SCAPER: variants seen among roughly 807,000 people sequenced by gnomAD.
SCAPER encodes S phase cyclin A-associated protein in the endoplasmic reticulum.
A neutral mutation model predicts 182.2 loss-of-function variants in SCAPER; 98 were observed. That is an observed-to-expected ratio of 0.54 (90% CI 0.46 to 0.64). SCAPER has a LOEUF of 0.64. SCAPER is among the 30% of genes least tolerant of loss of function. The pLI is 0.00. For missense variants in SCAPER, 1,432 were observed against 1,690.0 expected (o/e 0.85, Z 2.68); for synonymous variants, 605 against 564.6 (o/e 1.07, Z -1.01).
chr15:76,488,714 C>CTTTTTTTTTTTTTGTTTTTTT (rs2051925467), intron 24 of SCAPER, among the ~76,000 whole-genome samples: 1 of 93,144 alleles, frequency 1.1e-5, no homozygotes, highest in Non-Finnish European at 2.0e-5. Flanking sequence ...AGTACACTGC[C>CTTTTTTTTTTTTTGTTTTTTT]TTTTTTTTTT....
intron 27 of SCAPER, among the ~76,000 whole-genome samples, chr15:76,383,295 G>A (rs915626222): frequency 6.6e-6 from 1 of 152,060 alleles, no homozygotes; most frequent in Non-Finnish European, 1.5e-5. Context: ...GTGCTGACTG[G>A]CAAATTTCTA....
At chr15:76,513,272 G>A (rs1216854746) in intron 23 of SCAPER, among the ~76,000 whole-genome samples, 1 of 152,156 alleles carries the variant, frequency 6.6e-6, no homozygotes, top group Admixed American at 6.5e-5. Flanking sequence ...TGTTCTGTGA[G>A]ATATGATAGA....
At chr15:76,882,971 G>C (rs1303543088) in intron 2 of SCAPER, among the ~76,000 whole-genome samples, 1 of 152,192 alleles carries the variant, frequency 6.6e-6, no homozygotes, top group African/African-American at 2.4e-5. Flanking sequence ...GCCCTCTCCT[G>C]CTCTTTCAAC....
chr15:76,430,973 C>T lies in SCAPER; in HGVS notation c.3311+3105G>A, dbSNP rs577915389. Among the ~76,000 whole-genome samples the T allele has an allele frequency of 2.0e-4, 30 of 152,102 alleles. 1 individual carries two copies. In the South Asian group the frequency reaches 4.8e-3, roughly 24 times the overall value. ...GGGCAGGTCTTTCCCATGCTGTTCT[C>T]GTGATAGTGAATAAGTCTCAAAAGA... On this transcript the variant is annotated intron_variant, in intron 26 of 31. Transcript: ENST00000563290.
intron 8 of SCAPER, among the ~76,000 whole-genome samples, chr15:76,778,137 G>A (rs1157791427): frequency 2.6e-5 from 4 of 152,058 alleles, no homozygotes; most frequent in Middle Eastern, 3.4e-3. Flanking sequence ...TCATAAGTTG[G>A]GACTCATATG....
intron 31 of SCAPER, 94 bp downstream of exon 31, chr15:76,351,143 T>G (rs998568025): frequency 9.3e-7 from 1 of 1,071,092 alleles, no homozygotes; most frequent in Admixed American, 3.0e-5. Flanking sequence ...ATGTATAAAA[T>G]TTTACATATA....
At chr15:76,405,141 G>A (rs1232701911) in intron 26 of SCAPER, among the ~76,000 whole-genome samples, 1 of 132,306 alleles carries the variant, frequency 7.6e-6, no homozygotes, top group Non-Finnish European at 1.6e-5. Flanking sequence ...TAGAGACAGC[G>A]TCTCACTCTG....
At chr15:76,486,630 A>G (rs1415044656) in intron 24 of SCAPER, among the ~76,000 whole-genome samples, 4 of 152,228 alleles carry the variant, frequency 2.6e-5, no homozygotes, top group African/African-American at 9.6e-5. Context: ...ATCAAATCAA[A>G]TCACAATGAG....
At chr15:76,611,506 A>T (rs1597678420) in intron 22 of SCAPER, among the ~76,000 whole-genome samples, 2 of 152,214 alleles carry the variant, frequency 1.3e-5, no homozygotes, top group East Asian at 3.8e-4. Flanking sequence ...TGTACAAAGA[A>T]GAGCTGGTAC....
At position 76,454,553 on chromosome 15, in the gene SCAPER, T is replaced by C. The variant is rs76152127; in HGVS notation, c.3078+16659A>G. ...ATTACATAAATGTGTCCCTAGAGAA[T>C]ATAACGTTTAGTTTTGCTTGCTTTC... On this transcript the variant is annotated intron_variant, in intron 25 of 31. Transcript: ENST00000563290. Among the ~76,000 whole-genome samples the C allele has an allele frequency of 9.0e-3, 1,373 of 152,302 alleles. 22 individuals are homozygous for C. Among genetic ancestry groups the C allele is most frequent in the African/African-American group, 0.032 (1,334 of 41,540 alleles).
At chr15:76,608,267 T>G (rs1006874265) in intron 22 of SCAPER, among the ~76,000 whole-genome samples, 1 of 152,136 alleles carries the variant, frequency 6.6e-6, no homozygotes, top group Non-Finnish European at 1.5e-5. Flanking sequence ...TCTGTTAGAG[T>G]TTGCTAGAGG....
At chr15:76,417,854 C>T (rs1219623239) in intron 26 of SCAPER, among the ~76,000 whole-genome samples, 1 of 152,078 alleles carries the variant, frequency 6.6e-6, no homozygotes, top group African/African-American at 2.4e-5. Flanking sequence ...CCTGCCTCTA[C>T]TAAAAATACA....
At chr15:76,799,721 G>A (rs2065612950) in intron 7 of SCAPER, among the ~76,000 whole-genome samples, 1 of 152,136 alleles carries the variant, frequency 6.6e-6, no homozygotes, top group South Asian at 2.1e-4. Context: ...CCTTATCCCT[G>A]TAGAAGAGGA....
At chr15:76,893,408 T>C (rs1209808545) in intron 1 of SCAPER, among the ~76,000 whole-genome samples, 7 of 152,162 alleles carry the variant, frequency 4.6e-5, no homozygotes, top group South Asian at 2.1e-4. Context: ...GCACCCAACA[T>C]TGGAGCACCA....
intron 23 of SCAPER, among the ~76,000 whole-genome samples, chr15:76,520,233 T>G (rs1217079646): frequency 6.6e-6 from 1 of 152,200 alleles, no homozygotes; most frequent in African/African-American, 2.4e-5. Flanking sequence ...TTTGTTTTTG[T>G]TTTGAGACAA....
At chr15:76,786,158 G>A (rs1301383573) in intron 8 of SCAPER, among the ~76,000 whole-genome samples, 1 of 151,700 alleles carries the variant, frequency 6.6e-6, no homozygotes, top group Non-Finnish European at 1.5e-5. Context: ...GAAACCACGT[G>A]TCTACTAAAG....
At chr15:76,727,537 A>G (rs1248084516) in intron 17 of SCAPER, among the ~76,000 whole-genome samples, 4 of 152,102 alleles carry the variant, frequency 2.6e-5, no homozygotes, top group African/African-American at 7.2e-5. Context: ...GGGTATCCAC[A>G]TGGAGAAAAT....
chr15:76,896,692 G>A (rs2074448745), intron 1 of SCAPER, among the ~76,000 whole-genome samples: 1 of 152,044 alleles, frequency 6.6e-6, no homozygotes, highest in African/African-American at 2.4e-5. Context: ...GCCAAGGCAG[G>A]CAGACCGCCT....
Position 76,841,758 on chromosome 15 carries a change from T to C in SCAPER, c.369A>G (p.Ser123=). The C allele has an allele frequency of 1.2e-6, 2 of 1,613,920 alleles. No individual in the cohort carries two copies. Among genetic ancestry groups the C allele is most frequent in the Non-Finnish European group, 1.7e-6 (2 of 1,179,872 alleles). Residue 123 remains serine, a synonymous_variant, in exon 5 of 32, where the codon TCA becomes TCG. Coordinates refer to ENST00000563290, the MANE Select transcript of SCAPER (RefSeq NM_020843.4). ...CCTTACATTCGACCACACTCTGATC[T>C]GATTCGCAAGTTACATAGATTTCAT... The part of the protein sequence containing the change: ...AVDEIYVTCE[S]DQSVVECKEV...
Sources: gnomAD v4.1 joint callset for allele counts (sites outside exome capture counted in the v4.1 genomes callset) on GRCh38, gnomAD v4.1.1 for gene constraint, MANE v1.5 for transcripts, NCBI Gene and HGNC (gene_info 2026-07-23, HGNC 2026-07-21) for gene names.